Variants in CD40LG observed in about 807,000 individuals in gnomAD.
The protein encoded by CD40LG is CD40 ligand, also known as CD40 antigen ligand.
A neutral mutation model predicts 17.2 loss-of-function variants in CD40LG; 1 was observed. The ratio of observed to expected loss-of-function variants is 0.06; its 90% CI spans 0.02 to 0.28. The LOEUF is 0.28. Ranked by LOEUF, CD40LG falls within the 10% of genes least tolerant of loss-of-function variation. The pLI is 1.00. For synonymous variants in CD40LG, 66 were observed against 74.4 expected, an observed-to-expected ratio of 0.89 and a Z score of 0.58; for missense variants, 133 against 193.2, an observed-to-expected ratio of 0.69 and a Z score of 1.85.
At chrX:136,655,282 T>G (rs1443216908) in intron 3 of CD40LG, among the ~76,000 whole-genome samples, 1 of 111,840 alleles carries the variant, frequency 8.9e-6, no homozygotes, top group Non-Finnish European at 1.9e-5. Context: ...TAAAGATCCC[T>G]GATGTCTTCC....
At chrX:136,657,392 C>T (rs940949499) in intron 4 of CD40LG, among the ~76,000 whole-genome samples, 2 of 111,499 alleles carry the variant, frequency 1.8e-5, no homozygotes, top group Non-Finnish European at 3.8e-5. Context: ...GGACCATGAC[C>T]ACTGCTTGCT....
In CD40LG at chrX:136,656,369, T is replaced by C. The variant is rs2076118899; in HGVS notation, c.360T>C (p.Pro120=). Reference sequence around the variant, plus strand: ...GTTCCATTTCAGGTGATCAGAATCCTCAAATTGCGGCACATGTCATAAGTG... The same window carrying C: ...GTTCCATTTCAGGTGATCAGAATCCCCAAATTGCGGCACATGTCATAAGTG... ...SFEMQKGDQN[P]QIAAHVISEA... Residue 120 remains proline (P), a synonymous_variant, in exon 4 of 5, where the codon CCT becomes CCC. Transcript: ENST00000370629. 8.3e-7 allele frequency: 1 copy of C among 1,208,541 alleles called. No homozygotes were observed. The highest frequency in any genetic ancestry group is 2.2e-5 in the Admixed American group (1 of 45,798).
chrX:136,656,397 G>A lies in CD40LG; in HGVS notation c.388G>A (p.Ala130Thr), dbSNP rs760461092. 5.8e-6 allele frequency: 7 copies of A among 1,207,713 alleles called. No individual in the cohort carries two copies. The highest frequency in any genetic ancestry group is 3.5e-5 in the South Asian group (2 of 56,814). Reference sequence around the variant, plus strand: ...AATTGCGGCACATGTCATAAGTGAGGCCAGCAGTAAAACAACATCTGGTAA... The same window carrying A: ...AATTGCGGCACATGTCATAAGTGAGACCAGCAGTAAAACAACATCTGGTAA... The part of the protein sequence containing the change: ...PQIAAHVISE[A>T]SSKTTSVLQW... Residue 130 changes from alanine (A) to threonine (T), a missense_variant, in exon 4 of 5, where the codon GCC (alanine) becomes ACC (threonine). By Grantham distance (58) the Ala-to-Thr change is moderately conservative (BLOSUM62 0). Transcript: ENST00000370629.
intron 2 of CD40LG, 86 bp from the exon 3 acceptor site, chrX:136,654,287 A>G (rs2076112785): frequency 3.0e-6 from 2 of 675,884 alleles, no homozygotes; most frequent in Non-Finnish European, 4.9e-6. Flanking sequence ...CAACAGAGTA[A>G]TGACAGATGC....
chrX:136,657,298 A>G (rs777111022), intron 4 of CD40LG, among the ~76,000 whole-genome samples: 5 of 111,891 alleles, frequency 4.5e-5, no homozygotes, highest in Non-Finnish European at 9.4e-5. Context: ...CAGTAGGCGT[A>G]ACACATGGAC....
At chrX:136,654,328 C>T in intron 2 of CD40LG, 45 bp from the exon 3 acceptor site, 1 of 925,843 alleles carries the variant, frequency 1.1e-6, no homozygotes, top group Non-Finnish European at 1.6e-6. Context: ...AACCCCACAG[C>T]AGAGCCCCTG....
chrX:136,649,924 T>C (rs1389239094), intron 1 of CD40LG, among the ~76,000 whole-genome samples: 8 of 112,609 alleles, frequency 7.1e-5, no homozygotes. Context: ...CTGATGTTTA[T>C]AATGACCAAT....
At chrX:136,653,493 GCT>G (rs1365382186) in intron 2 of CD40LG, among the ~76,000 whole-genome samples, 1 of 112,712 alleles carries the variant, frequency 8.9e-6, no homozygotes, top group East Asian at 2.8e-4. Context: ...GATGGAATTA[GCT>G]AAGCCCAGCC....
At chrX:136,656,529 A>C in intron 4 of CD40LG, 111 bp downstream of exon 4, 2 of 613,677 alleles carry the variant, frequency 3.3e-6, no homozygotes, top group Non-Finnish European at 5.6e-6. Context: ...CAATTTACAA[A>C]CCTACCCCTA....
At chrX:136,657,164 G>A (rs777033729) in intron 4 of CD40LG, among the ~76,000 whole-genome samples, 47 of 111,637 alleles carry the variant, frequency 4.2e-4, no homozygotes, top group Admixed American at 1.6e-3. Flanking sequence ...AGAGTGCTCC[G>A]GAATGGAGTT....
intron 2 of CD40LG, among the ~76,000 whole-genome samples, chrX:136,651,931 G>A (rs2076104843): frequency 9.0e-6 from 1 of 111,088 alleles, no homozygotes; most frequent in African/African-American, 3.3e-5. Flanking sequence ...CGTTTCTTAC[G>A]GAGACTTTTA....
Position 136,658,587 on chromosome X carries a change from T to C in CD40LG, c.410-452T>C, listed in dbSNP as rs1458086487. On this transcript the variant is annotated intron_variant, in intron 4 of 4. Coordinates refer to ENST00000370629, the MANE Select transcript of CD40LG (RefSeq NM_000074.3). ...TAGGTAGACTGACAACTCTCTGACT[T>C]TGTAAAATTCAAGGCAAGCAAGGTA... Among the ~76,000 whole-genome samples the C allele has an allele frequency of 2.7e-5, 3 of 111,813 alleles. No homozygotes were observed. The East Asian group carries it at 8.4e-4, about 31-fold the overall frequency.
intron 2 of CD40LG, among the ~76,000 whole-genome samples, chrX:136,651,992 T>C (rs1172813923): frequency 9.0e-6 from 1 of 111,634 alleles, no homozygotes; most frequent in African/African-American, 3.3e-5. Flanking sequence ...GCTATGTATG[T>C]AAAGCTCCCA....
chrX:136,648,456 C>T, intron 1 of CD40LG, 52 bp downstream of exon 1: 1 of 1,090,671 alleles, frequency 9.2e-7, no homozygotes, highest in Non-Finnish European at 1.3e-6. Flanking sequence ...CTTACTAATT[C>T]ATAGGTTGGT....
At chrX:136,657,518 C>A (rs1427367982) in intron 4 of CD40LG, among the ~76,000 whole-genome samples, 2 of 111,768 alleles carry the variant, frequency 1.8e-5, no homozygotes, top group Non-Finnish European at 3.8e-5. Flanking sequence ...CTGTCGAGTG[C>A]TGTACAACCG....
In CD40LG at chrX:136,659,670, G is replaced by T; in HGVS notation, c.*255G>T. On this transcript the variant is annotated 3_prime_UTR_variant, in exon 5 of 5. Transcript: ENST00000370629. ...AACCCCACTGATGCAGACATCCAGA[G>T]AGTCCTATGAAAAGACAAGGCCATT... 1 of 387,673 alleles carries T rather than the reference G, an allele frequency of 2.6e-6. No homozygotes were observed. The allele number at this position is 387,673 out of a possible 1,213,427, so 31.9% of individuals were successfully genotyped here.
At chrX:136,651,772 A>T (rs183703576) in intron 2 of CD40LG, among the ~76,000 whole-genome samples, 1 of 112,016 alleles carries the variant, frequency 8.9e-6, no homozygotes, top group East Asian at 2.8e-4. Context: ...TTGGGTAAAT[A>T]ACTTCACCTT....
At chrX:136,649,442 T>C (rs926300335) in intron 1 of CD40LG, among the ~76,000 whole-genome samples, 1 of 112,178 alleles carries the variant, frequency 8.9e-6, no homozygotes, top group Non-Finnish European at 1.9e-5. Context: ...GGGCTTCTGG[T>C]CTGGTTGGTT....
chrX:136,659,759 G>A lies in CD40LG; in HGVS notation c.*344G>A, dbSNP rs766449700. 1.4e-4 allele frequency: 35 copies of A among 241,679 alleles called. No individual in the cohort carries two copies. The highest frequency in any genetic ancestry group is 1.3e-3 in the Middle Eastern group (1 of 761). The allele number at this position is 241,679 out of a possible 1,213,427, so 19.9% of individuals were successfully genotyped here. ...GCCAAGTTCAGTTTTGTTTCTTTGCGTGCAGTGTCTTTCCATGGATAATGC... is the reference window on the plus strand; with the variant it reads ...GCCAAGTTCAGTTTTGTTTCTTTGCATGCAGTGTCTTTCCATGGATAATGC... On this transcript the variant is annotated 3_prime_UTR_variant, in exon 5 of 5. Transcript: ENST00000370629.
Sources: gnomAD v4.1 joint callset for allele counts (sites outside exome capture counted in the v4.1 genomes callset) on GRCh38, gnomAD v4.1.1 for gene constraint, MANE v1.5 for transcripts, NCBI Gene and HGNC (gene_info 2026-07-23, HGNC 2026-07-21) for gene names.